SFXN4: variants seen among roughly 807,000 people sequenced by gnomAD.
The protein encoded by SFXN4 is sideroflexin 4, also known as sideroflexin-4.
A neutral mutation model predicts 54.6 loss-of-function variants in SFXN4; 48 were observed. That is an observed-to-expected ratio of 0.88 (90% CI 0.70 to 1.12). The LOEUF (loss-of-function observed/expected upper bound fraction) is 1.12, where lower values mean the gene tolerates loss of function less well. Ranked by LOEUF, SFXN4 falls within the 50% of genes most tolerant of loss-of-function variation. The pLI is 0.00. For synonymous variants in SFXN4, 130 were observed against 145.5 expected, an observed-to-expected ratio of 0.89 and a Z score of 0.77; for missense variants, 383 against 409.2, an observed-to-expected ratio of 0.94 and a Z score of 0.55.
chr10:119,147,950 C>T (rs1476749519), intron 11 of SFXN4, 90 bp from the exon 12 acceptor site: 9 of 951,948 alleles, frequency 9.5e-6, no homozygotes, highest in Non-Finnish European at 1.3e-5. Flanking sequence ...GCGGGTAGAT[C>T]GCTTGAGGTC....
At chr10:119,157,007 G>A (rs2133607780) in intron 9 of SFXN4, among the ~76,000 whole-genome samples, 1 of 152,304 alleles carries the variant, frequency 6.6e-6, no homozygotes, top group South Asian at 2.1e-4. Flanking sequence ...GAGCCAGGAT[G>A]AGGGCCCAGG....
At chr10:119,161,542 A>T (rs751056172) in intron 3 of SFXN4, among the ~76,000 whole-genome samples, 5 of 152,024 alleles carry the variant, frequency 3.3e-5, no homozygotes, top group Middle Eastern at 3.4e-3. Flanking sequence ...AGTGAAGGCC[A>T]GAGCTGTTAT....
At chr10:119,151,988 A>T (rs926514694) in intron 11 of SFXN4, among the ~76,000 whole-genome samples, 3 of 150,854 alleles carry the variant, frequency 2.0e-5, no homozygotes, top group Non-Finnish European at 3.0e-5. Flanking sequence ...CTAATTTTTT[A>T]AAAATTTTTT....
chr10:119,164,850 C>A (rs528410276), intron 1 of SFXN4, among the ~76,000 whole-genome samples: 1 of 152,150 alleles, frequency 6.6e-6, no homozygotes, highest in South Asian at 2.1e-4. Flanking sequence ...CTCCAATTCG[C>A]CACATGCGGC....
chr10:119,165,315 G>A lies in SFXN4; in HGVS notation c.111+222C>T, dbSNP rs375059360. ...CCGAGAGGGCAATCTGGAGGGTGAC[G>A]TTGTGGTCGTGGGCATCTGGCAGCT... On this transcript the variant is annotated intron_variant, in intron 1 of 13. Transcript: ENST00000355697. The A allele has an allele frequency of 1.1e-5, 14 of 1,273,638 alleles. No homozygotes were observed. In the East Asian group the frequency reaches 4.7e-4, roughly 43 times the overall value. 78.9% of individuals were successfully genotyped at this position (1,273,638 alleles called of 1,614,324 possible). A position where few individuals can be genotyped will look rare whatever the true frequency, so the allele number is the denominator to read the frequency against.
chr10:119,159,566 C>T (rs191695585), intron 6 of SFXN4, among the ~76,000 whole-genome samples, 162 bp downstream of exon 6: 33 of 152,094 alleles, frequency 2.2e-4, no homozygotes, highest in African/African-American at 8.0e-4. Context: ...GGGACAAGGA[C>T]GTATGAACAG....
chr10:119,158,621 A>C (rs1847374781), intron 6 of SFXN4, among the ~76,000 whole-genome samples: 1 of 149,788 alleles, frequency 6.7e-6, no homozygotes, highest in East Asian at 2.0e-4. Flanking sequence ...GTCTCAAAAA[A>C]AAAAAAAAAA....
chr10:119,142,319 C>G (rs894748372), intron 13 of SFXN4, among the ~76,000 whole-genome samples: 1 of 152,096 alleles, frequency 6.6e-6, no homozygotes. Context: ...CTCCCACACC[C>G]AGCAGTAGGA....
chr10:119,164,258 T>G, intron 1 of SFXN4, 62 bp from the exon 2 acceptor site: 3 of 774,064 alleles, frequency 3.9e-6, no homozygotes, highest in Non-Finnish European at 6.3e-6. Flanking sequence ...ATATAAATAC[T>G]AACAGTTGGC....
intron 11 of SFXN4, among the ~76,000 whole-genome samples, chr10:119,150,066 A>G (rs1846996248): frequency 6.6e-6 from 1 of 152,248 alleles, no homozygotes; most frequent in Non-Finnish European, 1.5e-5. Flanking sequence ...GCCGAAGAAA[A>G]TAACCTTCCA....
At chr10:119,147,977 C>G in intron 11 of SFXN4, 117 bp from the exon 12 acceptor site, 6 of 712,662 alleles carry the variant, frequency 8.4e-6, no homozygotes, top group Non-Finnish European at 1.5e-5. Flanking sequence ...TTGAGACCAG[C>G]CTGGCCAACA....
chr10:119,159,638 C>T (rs374012307), intron 6 of SFXN4, 90 bp downstream of exon 6: 200 of 1,384,770 alleles, frequency 1.4e-4, no homozygotes, highest in Non-Finnish European at 1.9e-4. Flanking sequence ...GACAGGGGTC[C>T]GGAGCTGGAG....
intron 11 of SFXN4, among the ~76,000 whole-genome samples, chr10:119,152,070 A>G (rs112913955): frequency 6.7e-6 from 1 of 149,726 alleles, no homozygotes; most frequent in Non-Finnish European, 1.5e-5. Flanking sequence ...CTACCTCCCA[A>G]AGTGTTGGGA....
Position 119,146,457 on chromosome 10 carries a change from G to GCA in SFXN4, c.819-105_819-104insTG. On this transcript the variant is annotated intron_variant, in intron 12 of 13. Coordinates refer to ENST00000355697, the MANE Select transcript of SFXN4 (RefSeq NM_213649.2). ...TGTGTGTGTGTGTGTGTGTGTGTGT[G>GCA]TGTGCACGTGTGTGTGTACCTGAAC... The GCA allele has an allele frequency of 9.2e-6, 5 of 541,866 alleles. No homozygotes were observed. The East Asian group carries it at 9.6e-5, about 10-fold the overall frequency. The allele number at this position is 541,866 out of a possible 1,614,324, so 33.6% of individuals were successfully genotyped here.
intron 13 of SFXN4, 47 bp downstream of exon 13, chr10:119,146,189 C>T: frequency 1.9e-6 from 2 of 1,042,682 alleles, no homozygotes; most frequent in South Asian, 1.4e-5. Context: ...ATTCTTCTAA[C>T]TGCAAAATAA....
intron 11 of SFXN4, among the ~76,000 whole-genome samples, chr10:119,153,189 T>C (rs931093069): frequency 2.0e-5 from 3 of 151,872 alleles, no homozygotes; most frequent in African/African-American, 7.3e-5. Flanking sequence ...GGTGGGCAGA[T>C]CACTTGAGCT....
At chr10:119,149,486 A>C (rs1192300756) in intron 11 of SFXN4, among the ~76,000 whole-genome samples, 2 of 152,192 alleles carry the variant, frequency 1.3e-5, no homozygotes, top group Non-Finnish European at 2.9e-5. Flanking sequence ...ACGGTGGCTC[A>C]TGCTTATAAT....
intron 11 of SFXN4, among the ~76,000 whole-genome samples, chr10:119,149,178 C>T (rs551586981): frequency 6.6e-6 from 1 of 152,162 alleles, no homozygotes; most frequent in African/African-American, 2.4e-5. Context: ...TAGAACCCAC[C>T]CCTGGGTAAG....
intron 3 of SFXN4, 98 bp downstream of exon 3, chr10:119,162,241 AC>A: frequency 2.3e-6 from 2 of 886,508 alleles, no homozygotes; most frequent in Non-Finnish European, 3.7e-6. Flanking sequence ...AAGAAAAGAG[AC>A]GGAGACAGAG....
Sources: gnomAD v4.1 joint callset for allele counts (sites outside exome capture counted in the v4.1 genomes callset) on GRCh38, gnomAD v4.1.1 for gene constraint, MANE v1.5 for transcripts, NCBI Gene and HGNC (gene_info 2026-07-23, HGNC 2026-07-21) for gene names.